ABCA5: variants seen among roughly 807,000 people sequenced by gnomAD.
ABCA5 encodes the protein ATP binding cassette subfamily A member 5.
In ABCA5, 163 loss-of-function variants were observed where a neutral mutation model predicts 206.0. That is an observed-to-expected ratio of 0.79 (90% confidence interval 0.70 to 0.90). The LOEUF is 0.90. ABCA5 is among the 40% of genes least tolerant of loss of function. ABCA5 has a pLI of 0.00. For synonymous variants in ABCA5, 609 were observed against 613.8 expected (o/e 0.99, Z 0.11); for missense variants, 1,859 against 1,912.9 (o/e 0.97, Z 0.53).
At chr17:69,311,461 T>C (rs2075768574) in intron 3 of ABCA5, among the ~76,000 whole-genome samples, 1 of 151,956 alleles carries the variant, frequency 6.6e-6, no homozygotes, top group Non-Finnish European at 1.5e-5. Flanking sequence ...ACTGACTTAG[T>C]TGTTTTTTGT....
chr17:69,298,229 T>TAGGAAGGTAGGAAGGAAGGG (rs1555582874), intron 9 of ABCA5, among the ~76,000 whole-genome samples: 1 of 33,468 alleles, frequency 3.0e-5, no homozygotes, highest in African/African-American at 8.9e-5. Context: ...GGAAGGTAGG[T>TAGGAAGGTAGGAAGGAAGGG]AGGAAGGAAG....
intron 18 of ABCA5, 114 bp downstream of exon 18, chr17:69,283,834 ATTTAC>A: frequency 1.9e-6 from 2 of 1,069,980 alleles, no homozygotes; most frequent in Non-Finnish European, 2.5e-6. Flanking sequence ...CTCATTACTT[ATTTAC>A]TTATTTCTAC....
intron 21 of ABCA5, 35 bp from the exon 22 acceptor site, chr17:69,270,785 T>C (rs202016457): frequency 2.0e-5 from 29 of 1,479,390 alleles, no homozygotes; most frequent in South Asian, 8.8e-5. Context: ...TTACATACTG[T>C]ATATAAGCGG....
chr17:69,306,765 CTTTTA>C lies in ABCA5; in HGVS notation c.743_747del (p.Ile248ArgfsTer10). The C allele has an allele frequency of 6.4e-7, 1 of 1,560,614 alleles. No homozygotes were observed. Among genetic ancestry groups the C allele is most frequent in the Non-Finnish European group, 8.7e-7 (1 of 1,153,146 alleles). The stretch of plus-strand genomic sequence containing the variant: ...TGAAGTCCCATTATCTTTAAAAATT[CTTTTA>C]TTTTTTTTTCTTTTTCTGCTACGAT... On this transcript the variant is annotated frameshift_variant, in exon 6 of 39. Transcript: ENST00000392676. LOFTEE classifies it high-confidence loss of function.
intron 5 of ABCA5, among the ~76,000 whole-genome samples, chr17:69,307,618 G>A (rs1256932762): frequency 6.6e-6 from 1 of 152,010 alleles, no homozygotes; most frequent in Non-Finnish European, 1.5e-5. Context: ...TATTGAATTT[G>A]TGCAATATTA....
chr17:69,295,169 C>T (rs1353975525), intron 10 of ABCA5, among the ~76,000 whole-genome samples: 1 of 152,176 alleles, frequency 6.6e-6, no homozygotes, highest in Admixed American at 6.5e-5. Context: ...TTCACATCAT[C>T]TATTTATAAG....
rs2144998277 is a variant in ABCA5, at chr17:69,297,063, T to C, written c.1436+128A>G. 3.4e-6 allele frequency: 3 copies of C among 875,688 alleles called. No individual in the cohort carries two copies. The South Asian group carries it at 5.4e-5, about 16-fold the overall frequency. The allele number at this position is 875,688 out of a possible 1,614,324, so 54.2% of individuals were successfully genotyped here. ...AAGAAAAAGAGAAAAGTAGCCCTTA[T>C]TAATGTTTTAAAATCATGGCATATG... On this transcript the variant is annotated intron_variant, in intron 10 of 38. Transcript: ENST00000392676.
intron 9 of ABCA5, among the ~76,000 whole-genome samples, chr17:69,298,946 A>G (rs2075620990): frequency 6.6e-6 from 1 of 152,206 alleles, no homozygotes; most frequent in Non-Finnish European, 1.5e-5. Flanking sequence ...TAACATCTAG[A>G]ATCTATGAGT....
Position 69,257,032 on chromosome 17 carries a change from T to G in ABCA5, c.3732-749A>C, listed in dbSNP as rs1480670390. Reference sequence around the variant, plus strand: ...AGTGCTTGCAAAGGCAATTTTGAAGTACAGAGGCAAACAGAAGACATAATG... The same window carrying G: ...AGTGCTTGCAAAGGCAATTTTGAAGGACAGAGGCAAACAGAAGACATAATG... On this transcript the variant is annotated intron_variant, in intron 28 of 38. Coordinates refer to ENST00000392676, the MANE Select transcript of ABCA5 (RefSeq NM_172232.4). Among the ~76,000 whole-genome samples the G allele has an allele frequency of 2.6e-5, 4 of 151,658 alleles. No individual in the cohort carries two copies. In the East Asian group the frequency reaches 7.7e-4, roughly 29 times the overall value.
At chr17:69,264,710 A>G in intron 24 of ABCA5, 25 bp downstream of exon 24, 1 of 1,424,358 alleles carries the variant, frequency 7.0e-7, no homozygotes, top group Non-Finnish European at 9.3e-7. Flanking sequence ...TATAAATAGC[A>G]TGAGTACAAC....
rs2075270639 is a variant in ABCA5, at chr17:69,271,252, G to C, written c.2802C>G (p.Ser934Arg). 4 of 1,612,844 alleles carry C rather than the reference G, an allele frequency of 2.5e-6. No homozygotes were observed. The South Asian group carries it at 3.3e-5, about 13-fold the overall frequency. Reference sequence around the variant, plus strand: ...TAATCATCGTCACCATTATGTTCTGGCTTGTGAAAAAGCTAATAAGATCAC... The same window carrying C: ...TAATCATCGTCACCATTATGTTCTGCCTTGTGAAAAAGCTAATAAGATCAC... ...DISDLISFFTSQNIMVTMIND... is the reference protein window; with the variant it reads ...DISDLISFFTRQNIMVTMIND... The change falls in exon 21 of 39, where the codon AGC becomes AGG. Residue 934 changes from serine (S) to arginine (R), a missense_variant. Coordinates refer to ENST00000392676, the MANE Select transcript of ABCA5 (RefSeq NM_172232.4).
At chr17:69,315,803 A>G (rs1392671769) in intron 1 of ABCA5, among the ~76,000 whole-genome samples, 2 of 151,814 alleles carry the variant, frequency 1.3e-5, no homozygotes, top group African/African-American at 2.4e-5. Context: ...AAAAATAGCA[A>G]CTCTACTAAG....
In ABCA5 at chr17:69,256,193, C is replaced by A; in HGVS notation, c.3822G>T (p.Lys1274Asn). 1 of 1,610,058 alleles carries A rather than the reference C, an allele frequency of 6.2e-7. No individual in the cohort carries two copies. The highest frequency in any genetic ancestry group is 8.5e-7 in the Non-Finnish European group (1 of 1,177,984). ...ACTGGCAACCCATCAGCTCTTTGAC[C>A]TTTAGTCTTTCAGCTTTGACATCTT... is the stretch of plus-strand genomic sequence containing the variant. The part of the protein sequence containing the change: ...EDEDVKAERL[K>N]VKELMGCQCC... The change falls in exon 29 of 39, where the codon AAG (lysine) becomes AAT (asparagine). Residue 1274 changes from lysine (K) to asparagine (N), a missense_variant. Coordinates refer to ENST00000392676, the MANE Select transcript of ABCA5 (RefSeq NM_172232.4).
At chr17:69,310,726 A>G (rs1484138351) in intron 3 of ABCA5, among the ~76,000 whole-genome samples, 2 of 147,148 alleles carry the variant, frequency 1.4e-5, no homozygotes, top group Non-Finnish European at 2.9e-5. Flanking sequence ...AGCTTCAAAC[A>G]TGTGGTGAAA....
chr17:69,264,075 GAAT>G, intron 24 of ABCA5, among the ~76,000 whole-genome samples: 1 of 152,272 alleles, frequency 6.6e-6, no homozygotes, highest in African/African-American at 2.4e-5. Flanking sequence ...ATTCTGTGAT[GAAT>G]AATGTTGGTA....
At chr17:69,315,089 G>A (rs146604475) in intron 1 of ABCA5, 1 of 152,182 alleles carries the variant, frequency 6.6e-6, no homozygotes, top group Non-Finnish European at 1.5e-5. Flanking sequence ...AGCAGCCACA[G>A]GGAAGCAAAA....
chr17:69,293,517 G>A (rs900344824), intron 11 of ABCA5, among the ~76,000 whole-genome samples: 1 of 152,100 alleles, frequency 6.6e-6, no homozygotes, highest in African/African-American at 2.4e-5. Context: ...TGCTGTAGAT[G>A]TCATTAACTT....
At chr17:69,314,268 G>C in intron 2 of ABCA5, 46 bp downstream of exon 2, 1 of 1,239,462 alleles carries the variant, frequency 8.1e-7, no homozygotes. Flanking sequence ...AATATATCAA[G>C]CAAAATAAAC....
At position 69,250,616 on chromosome 17, in the gene ABCA5, A is replaced by G; in HGVS notation, c.4541T>C (p.Ile1514Thr). 2.6e-6 allele frequency: 4 copies of G among 1,552,798 alleles called. No homozygotes were observed. Among genetic ancestry groups the G allele is most frequent in the South Asian group, 1.2e-5 (1 of 80,330 alleles). The part of the protein sequence containing the change: ...AIMVSGQLRC[I>T]GTVQHLKSKF... Reference sequence around the variant, plus strand: ...ACTCTTTAGATGTTGTACTGTTCCGATACATCTGAAGTAATTTTTTAAAAG... The same window carrying G: ...ACTCTTTAGATGTTGTACTGTTCCGGTACATCTGAAGTAATTTTTTAAAAG... The change falls in exon 36 of 39, where the codon ATC becomes ACC. Residue 1514 changes from isoleucine to threonine, a missense_variant. Physicochemically the swap from Ile to Thr is moderately conservative, Grantham distance 89. Coordinates refer to ENST00000392676, the MANE Select transcript of ABCA5 (RefSeq NM_172232.4).
Sources: gnomAD v4.1 joint callset for allele counts (sites outside exome capture counted in the v4.1 genomes callset) on GRCh38, gnomAD v4.1.1 for gene constraint, MANE v1.5 for transcripts, NCBI Gene and HGNC (gene_info 2026-07-23, HGNC 2026-07-21) for gene names.